Variants in ABCG1 observed in about 807,000 individuals in gnomAD.
The protein encoded by ABCG1 is ATP-binding cassette sub-family G member 1.
ABCG1 carries 29 observed loss-of-function variants against 69.2 expected under a neutral mutation model. The observed-to-expected ratio is 0.42, with a 90% confidence interval of 0.31 to 0.57. The LOEUF (loss-of-function observed/expected upper bound fraction) is 0.57, where lower values mean the gene tolerates loss of function less well. ABCG1 is among the 20% of genes least tolerant of loss of function. ABCG1 has a pLI of 0.15. For missense variants in ABCG1, 718 were observed against 898.1 expected, an observed-to-expected ratio of 0.80 and a Z score of 2.56; for synonymous variants, 370 against 374.8, an observed-to-expected ratio of 0.99 and a Z score of 0.15.
chr21:42,211,380 C>T (rs753118053), upstream of ABCG1, among the ~76,000 whole-genome samples: 1 of 152,046 alleles, frequency 6.6e-6, no homozygotes, highest in African/African-American at 2.4e-5. Context: ...CTTTCCCAGG[C>T]TTCTGCTTGA....
chr21:42,278,865 C>T (rs1232867252), intron 5 of ABCG1, among the ~76,000 whole-genome samples: 1 of 152,072 alleles, frequency 6.6e-6, no homozygotes, highest in Non-Finnish European at 1.5e-5. Flanking sequence ...CTTCACTCTC[C>T]CTGTCTGAGG....
rs1178859283 is a variant in ABCG1 at position 42,273,291 on chromosome 21, T to G, written c.405-12T>G. 1 of 1,609,948 alleles carries G rather than the reference T, an allele frequency of 6.2e-7. No homozygotes were observed. Among genetic ancestry groups the G allele is most frequent in the South Asian group, 1.1e-5 (1 of 90,756 alleles). On this transcript the variant is annotated splice_polypyrimidine_tract_variant and intron_variant, in intron 3 of 14. Coordinates refer to ENST00000398449, the MANE Select transcript of ABCG1 (RefSeq NM_016818.3). The surrounding 1 kb of genome is among the most constrained non-coding windows in gnomAD (Gnocchi z 5.3). ...GCCCGGCTGACGGCTTCTCCTGTCC[T>G]TGGTTCTGCAGGGAGACGGGCATGA...
At chr21:42,205,814 G>T (rs570926443) in intron 2 of ABCG1, among the ~76,000 whole-genome samples, 4 of 152,210 alleles carry the variant, frequency 2.6e-5, no homozygotes, top group African/African-American at 9.6e-5. Flanking sequence ...CAATGTATAT[G>T]AATTCAGTGC....
At chr21:42,245,556 G>A (rs1030591204) in intron 2 of ABCG1, among the ~76,000 whole-genome samples, 3 of 152,188 alleles carry the variant, frequency 2.0e-5, no homozygotes, top group African/African-American at 7.2e-5. Context: ...CAACCACGGG[G>A]ACAGGAAGAA....
upstream of ABCG1, among the ~76,000 whole-genome samples, chr21:42,212,866 T>C (rs1327565544): frequency 1.3e-5 from 2 of 152,118 alleles, no homozygotes; most frequent in African/African-American, 4.8e-5. Flanking sequence ...GCTAATTTTT[T>C]GTATTTTTAG....
chr21:42,207,057 T>C (rs1402822737), intron 2 of ABCG1: 1 of 152,234 alleles, frequency 6.6e-6, no homozygotes, highest in African/African-American at 2.4e-5. Flanking sequence ...AATTTGACTG[T>C]AATATGTCTT....
intron 7 of ABCG1, 51 bp downstream of exon 7, chr21:42,284,734 G>A: frequency 6.3e-7 from 1 of 1,594,596 alleles, no homozygotes; most frequent in Non-Finnish European, 8.5e-7. Context: ...ACTCAGGTCA[G>A]CCTGAATGAC....
At position 42,268,388 on chromosome 21, in the gene ABCG1, T is replaced by TGTGTGC. The variant is rs57264459; in HGVS notation, c.287-2681_287-2680insTGTGCG. On this transcript the variant is annotated intron_variant, in intron 2 of 14. Transcript: ENST00000398449. Reference sequence around the variant, plus strand: ...GTGTGTGTGTGTGTGTGTGTGTGTGTGCGCGCGCGCGCTGGATACTCAGGA... The same window carrying TGTGTGC: ...GTGTGTGTGTGTGTGTGTGTGTGTGTGTGTGCGCGCGCGCGCGCTGGATACTCAGGA... 8.8e-4 allele frequency among the ~76,000 whole-genome samples: 97 copies of TGTGTGC among 110,176 alleles called. 1 individual carries two copies. The highest frequency in any genetic ancestry group is 1.8e-3 in the Admixed American group (20 of 10,932). The allele number at this position is 110,176 out of a possible 152,430, so 72.3% of individuals were successfully genotyped here. A position where few individuals can be genotyped will look rare whatever the true frequency, so the allele number is the denominator to read the frequency against.
intron 1 of ABCG1, among the ~76,000 whole-genome samples, chr21:42,222,529 A>T (rs2067745637): frequency 6.6e-6 from 1 of 152,214 alleles, no homozygotes; most frequent in Non-Finnish European, 1.5e-5. Flanking sequence ...AAGGGCCGTT[A>T]CAGAGGCTTG....
upstream of ABCG1, among the ~76,000 whole-genome samples, chr21:42,214,978 C>T (rs774927723): frequency 2.0e-5 from 3 of 152,178 alleles, no homozygotes; most frequent in African/African-American, 2.4e-5. Flanking sequence ...GTCAAGTGAG[C>T]GAGATGTCCC....
chr21:42,216,320 T>G, upstream of ABCG1: 1 of 327,318 alleles, frequency 3.1e-6, no homozygotes, highest in Admixed American at 3.7e-5. Context: ...AGCAATGCCT[T>G]AGCAGAAATT....
chr21:42,236,012 G>A (rs564837260), intron 2 of ABCG1, among the ~76,000 whole-genome samples: 11 of 152,278 alleles, frequency 7.2e-5, no homozygotes, highest in Middle Eastern at 3.4e-3. Flanking sequence ...CTTATAAAAC[G>A]TGCTGGTTTT....
chr21:42,290,979 C>T (rs2069046236), intron 11 of ABCG1, 113 bp from the exon 12 acceptor site: 3 of 744,184 alleles, frequency 4.0e-6, no homozygotes, highest in Non-Finnish European at 7.0e-6. Flanking sequence ...CTCTCAGTGC[C>T]CTAGGCCAGA....
At chr21:42,249,097 C>T (rs1355312146) in intron 2 of ABCG1, among the ~76,000 whole-genome samples, 2 of 152,070 alleles carry the variant, frequency 1.3e-5, no homozygotes, top group Non-Finnish European at 2.9e-5. Context: ...AACTTCAAAA[C>T]ATTCAAAAGT....
upstream of ABCG1, among the ~76,000 whole-genome samples, chr21:42,214,430 C>T (rs2067618269): frequency 6.6e-6 from 1 of 152,190 alleles, no homozygotes; most frequent in South Asian, 2.1e-4. Flanking sequence ...GTTACAGCAG[C>T]CAGAATAGAC....
intron 1 of ABCG1, among the ~76,000 whole-genome samples, chr21:42,220,335 G>A (rs1349884547): frequency 6.6e-6 from 1 of 151,656 alleles, no homozygotes; most frequent in African/African-American, 2.4e-5. Context: ...CCCCTCCCCT[G>A]TATTTCATTT....
chr21:42,226,284 GC>G (rs768050968), intron 2 of ABCG1, among the ~76,000 whole-genome samples: 1 of 152,158 alleles, frequency 6.6e-6, no homozygotes, highest in Non-Finnish European at 1.5e-5. Flanking sequence ...ACCGCCCAGA[GC>G]AAAATGGGGG....
chr21:42,227,538 T>C (rs770673036), intron 2 of ABCG1, among the ~76,000 whole-genome samples: 3 of 152,114 alleles, frequency 2.0e-5, no homozygotes, highest in Non-Finnish European at 2.9e-5. Context: ...TGAAGATGGG[T>C]TGTAATGCAG....
chr21:42,284,643 T>A lies in ABCG1; in HGVS notation c.818T>A (p.Ile273Asn). Reference protein sequence around the residue: ...AQGGRSIICTIHQPSAKLFEL... With the variant: ...AQGGRSIICTNHQPSAKLFEL... ...GGGGGTCGCTCCATCATTTGCACCA[T>A]CCACCAGCCCAGCGCCAAACTCTTC... The change falls in exon 7 of 15, where the codon ATC becomes AAC. Residue 273 changes from isoleucine to asparagine, a missense_variant. Coordinates refer to ENST00000398449, the MANE Select transcript of ABCG1 (RefSeq NM_016818.3). 6.2e-7 allele frequency: 1 copy of A among 1,613,846 alleles called. No homozygotes were observed. Among genetic ancestry groups the A allele is most frequent in the South Asian group, 1.1e-5 (1 of 91,084 alleles).
Sources: allele counts gnomAD v4.1 joint callset (sites outside exome capture counted in the v4.1 genomes callset), GRCh38; gene constraint gnomAD v4.1.1; non-coding constraint Gnocchi (gnomAD v3.1); transcripts MANE v1.5; gene names NCBI Gene and HGNC (gene_info 2026-07-23, HGNC 2026-07-21).